Variants in RASSF7 observed in about 807,000 individuals in gnomAD.
RASSF7 encodes ras association domain-containing protein 7.
RASSF7 carries 41 observed loss-of-function variants against 33.8 expected under a neutral mutation model. The ratio of observed to expected loss-of-function variants is 1.21; its 90% CI spans 0.95 to 1.57. The LOEUF (loss-of-function observed/expected upper bound fraction) is 1.57. Ranked by LOEUF, RASSF7 falls within the 40% of genes most tolerant of loss-of-function variation. The pLI is 0.00. For missense variants in RASSF7, 622 were observed against 497.0 expected (o/e 1.25, Z -2.39); for synonymous variants, 298 against 212.8 (o/e 1.40, Z -3.48).
Position 562,587 on chromosome 11 carries a change from CGCTCAGGCCCGTGCCCTGGAG to C in RASSF7, c.637_657del (p.Gln213_Ala219del). On this transcript the variant is annotated inframe_deletion, in exon 3 of 6. Coordinates refer to ENST00000397583, the MANE Select transcript of RASSF7 (RefSeq NM_003475.4). ...ATGCCGCCCGGCTGCAGGCCCTGGA[CGCTCAGGCCCGTGCCCTGGAG>C]GCTGAGCTGCAGCTGGCAGCGGAGG... 1 of 1,543,290 alleles carries C rather than the reference CGCTCAGGCCCGTGCCCTGGAG, an allele frequency of 6.5e-7. No individual in the cohort carries two copies. The highest frequency in any genetic ancestry group is 2.0e-5 in the Admixed American group (1 of 50,934).
In RASSF7 at chr11:561,497, C is replaced by A; in HGVS notation, c.-8+20C>A. On this transcript the variant is annotated intron_variant, in intron 1 of 5. Transcript: ENST00000397583. ...AGCCAGGTGAGGCGAGTAGGAAATG[C>A]TGGATCTGGTTAATGATTCGCCTTG... 1 of 1,348,892 alleles carries A rather than the reference C, an allele frequency of 7.4e-7. No individual in the cohort carries two copies. The highest frequency in any genetic ancestry group is 9.6e-7 in the Non-Finnish European group (1 of 1,045,822). The allele number at this position is 1,348,892 out of a possible 1,614,324, so 83.6% of individuals were successfully genotyped here. A position where few individuals can be genotyped will look rare whatever the true frequency, so the allele number is the denominator to read the frequency against.
At chr11:562,809 C>G (rs772033268) in intron 3 of RASSF7, 33 bp downstream of exon 3, 1 of 1,426,850 alleles carries the variant, frequency 7.0e-7, no homozygotes, top group Non-Finnish European at 9.2e-7. Context: ...CTGTCACTCC[C>G]CCACCCCTGA....
rs201821227 is a variant in RASSF7 at position 563,502 on chromosome 11, C to T, written c.1034+24C>T. On this transcript the variant is annotated intron_variant, in intron 5 of 5. Coordinates refer to ENST00000397583, the MANE Select transcript of RASSF7 (RefSeq NM_003475.4). ...GGGTATGTCTGTGCCCCACCTCCCC[C>T]TGGGGCACCGGGCCCTCCTGTGGCT... The T allele has an allele frequency of 2.7e-3, 4,367 of 1,609,496 alleles. 6 individuals are homozygous for T. The highest frequency in any genetic ancestry group is 3.2e-3 in the Non-Finnish European group (3,730 of 1,178,804).
At position 562,260 on chromosome 11, in the gene RASSF7, C is replaced by T. The variant is rs1853362709; in HGVS notation, c.306C>T (p.Pro102=). ...AGRPSSDSCP[P]PERCLIRASL... ...GGCCCTCCTCAGACAGCTGTCCACC[C>T]CCGGAACGCTGCCTAATTCGTGCCA... The change falls in exon 3 of 6, where the codon CCC becomes CCT. Residue 102 remains proline, a synonymous_variant. Transcript: ENST00000397583. 6.2e-7 allele frequency: 1 copy of T among 1,613,022 alleles called. No individual in the cohort carries two copies. The highest frequency in any genetic ancestry group is 8.5e-7 in the Non-Finnish European group (1 of 1,179,986).
Position 563,711 on chromosome 11 carries a change from G to C in RASSF7, c.*66G>C. ...AGAAGGAGAGTTGGCGGTCACAGAG[G>C]GCTCCTCTGCCAGGCAGTGGGAAGC... On this transcript the variant is annotated 3_prime_UTR_variant, in exon 6 of 6. Coordinates refer to ENST00000397583, the MANE Select transcript of RASSF7 (RefSeq NM_003475.4). 1 of 1,431,242 alleles carries C rather than the reference G, an allele frequency of 7.0e-7. No homozygotes were observed. Among genetic ancestry groups the C allele is most frequent in the Non-Finnish European group, 9.5e-7 (1 of 1,052,698 alleles). 88.7% of individuals were successfully genotyped at this position (1,431,242 alleles called of 1,614,324 possible).
Position 561,748 on chromosome 11 carries a change from C to T in RASSF7, c.-7-14C>T. ...TAGGCAGGTCCTGACCCGGTGCCTG[C>T]GCCCTCCCCACAGGACAGGCATGTT... On this transcript the variant is annotated splice_polypyrimidine_tract_variant and intron_variant, in intron 1 of 5. Coordinates refer to ENST00000397583, the MANE Select transcript of RASSF7 (RefSeq NM_003475.4). The T allele has an allele frequency of 6.2e-7, 1 of 1,612,996 alleles. No homozygotes were observed. Among genetic ancestry groups the T allele is most frequent in the East Asian group, 2.2e-5 (1 of 44,870 alleles).
In RASSF7 at chr11:561,090, G is replaced by A; in HGVS notation, c.-395G>A. The stretch of plus-strand genomic sequence containing the variant: ...GCGCGGGGCGCGCCTCGAGCCGGCC[G>A]GACGCCGACTCCAACTGGGGAGAGT... On this transcript the variant is annotated 5_prime_UTR_variant, in exon 1 of 6. Coordinates refer to ENST00000397583, the MANE Select transcript of RASSF7 (RefSeq NM_003475.4). 1.0e-6 allele frequency: 1 copy of A among 986,784 alleles called. No homozygotes were observed. The highest frequency in any genetic ancestry group is 4.7e-5 in the South Asian group (1 of 21,314). The allele number at this position is 986,784 out of a possible 1,614,324, so 61.1% of individuals were successfully genotyped here. A position where few individuals can be genotyped will look rare whatever the true frequency, so the allele number is the denominator to read the frequency against.
intron 1 of RASSF7, 66 bp downstream of exon 1, chr11:561,543 C>G (rs1220256343): frequency 7.1e-7 from 1 of 1,407,678 alleles, no homozygotes; most frequent in Non-Finnish European, 9.3e-7. Context: ...GCGAGCGTGG[C>G]AAGAGGAAGC....
chr11:563,136 A>C, intron 3 of RASSF7, 53 bp from the exon 4 acceptor site: 1 of 1,492,834 alleles, frequency 6.7e-7, no homozygotes, highest in Non-Finnish European at 9.0e-7. Context: ...TCCGGAGCAC[A>C]AGGGCTGTGG....
chr11:563,151 C>T (rs779702650), intron 3 of RASSF7, 38 bp from the exon 4 acceptor site: 4 of 1,526,066 alleles, frequency 2.6e-6, no homozygotes, highest in South Asian at 2.5e-5. Flanking sequence ...CTGTGGAGCC[C>T]AGTGGCTGTG....
chr11:561,121 G>A lies in RASSF7; in HGVS notation c.-364G>A, dbSNP rs1406689850. 1 of 985,060 alleles carries A rather than the reference G, an allele frequency of 1.0e-6. No homozygotes were observed. Among genetic ancestry groups the A allele is most frequent in the Non-Finnish European group, 1.2e-6 (1 of 829,998 alleles). The allele number at this position is 985,060 out of a possible 1,614,324, so 61.0% of individuals were successfully genotyped here. A position where few individuals can be genotyped will look rare whatever the true frequency, so the allele number is the denominator to read the frequency against. ...CGACTCCAACTGGGGAGAGTTTTCCGCGATGCCCGGACGGAGAGCGGGGGC... is the reference window on the plus strand; with the variant it reads ...CGACTCCAACTGGGGAGAGTTTTCCACGATGCCCGGACGGAGAGCGGGGGC... On this transcript the variant is annotated 5_prime_UTR_variant, in exon 1 of 6. Transcript: ENST00000397583.
Position 563,266 on chromosome 11 carries a change from G to A in RASSF7, c.900G>A (p.Gly300=), listed in dbSNP as rs1467587079. 2 of 1,611,554 alleles carry A rather than the reference G, an allele frequency of 1.2e-6. No homozygotes were observed. The highest frequency in any genetic ancestry group is 1.7e-6 in the Non-Finnish European group (2 of 1,179,366). ...TGCAGCAGTTCATCCAGCAGACCGGGGCTGCGCTGCCACCGCCCCCACGGC... is the reference window on the plus strand; with the variant it reads ...TGCAGCAGTTCATCCAGCAGACCGGAGCTGCGCTGCCACCGCCCCCACGGC... The part of the protein sequence containing the change: ...CNLQQFIQQT[G]AALPPPPRPD... The change falls in exon 4 of 6, where the codon GGG becomes GGA. Residue 300 remains glycine (G), a synonymous_variant. Transcript: ENST00000397583.
chr11:563,296 C>G lies in RASSF7; in HGVS notation c.930C>G (p.Asp310Glu), dbSNP rs752430298. 10 of 1,610,192 alleles carry G rather than the reference C, an allele frequency of 6.2e-6. No homozygotes were observed. Among genetic ancestry groups the G allele is most frequent in the Non-Finnish European group, 8.5e-6 (10 of 1,178,770 alleles). ...CGCTGCCACCGCCCCCACGGCCTGA[C>G]AGGGGCCCTCCTGGCACTCAGGTCG... Reference protein sequence around the residue: ...GAALPPPPRPDRGPPGTQGPL... With the variant: ...GAALPPPPRPERGPPGTQGPL... Residue 310 changes from aspartate (D) to glutamate (E), a missense_variant, in exon 4 of 6, where the codon GAC (aspartate) becomes GAG (glutamate). By Grantham distance (45) the Asp-to-Glu change is conservative. Coordinates refer to ENST00000397583, the MANE Select transcript of RASSF7 (RefSeq NM_003475.4).
At position 563,723 on chromosome 11, in the gene RASSF7, A is replaced by T; in HGVS notation, c.*78A>T. On this transcript the variant is annotated 3_prime_UTR_variant, in exon 6 of 6. Transcript: ENST00000397583. Reference sequence around the variant, plus strand: ...GGCGGTCACAGAGGGCTCCTCTGCCAGGCAGTGGGAAGCCCTGGGTTTGGC... The same window carrying T: ...GGCGGTCACAGAGGGCTCCTCTGCCTGGCAGTGGGAAGCCCTGGGTTTGGC... The T allele has an allele frequency of 7.4e-7, 1 of 1,346,960 alleles. No individual in the cohort carries two copies. Among genetic ancestry groups the T allele is most frequent in the Non-Finnish European group, 1.0e-6 (1 of 983,742 alleles). 83.4% of individuals were successfully genotyped at this position (1,346,960 alleles called of 1,614,324 possible).
chr11:563,984 C>T lies in RASSF7; in HGVS notation c.*339C>T, dbSNP rs781537989. ...GAGCATGTGTGTGCCACTTCCCCTA[C>T]CCCAACGTGAAAACCTCAATAAACT... On this transcript the variant is annotated 3_prime_UTR_variant, in exon 6 of 6. Transcript: ENST00000397583. 2.1e-4 allele frequency: 83 copies of T among 390,966 alleles called. No individual in the cohort carries two copies. Among genetic ancestry groups the T allele is most frequent in the Non-Finnish European group, 3.3e-4 (71 of 216,636 alleles). 24.2% of individuals were successfully genotyped at this position (390,966 alleles called of 1,614,324 possible). A position where few individuals can be genotyped will look rare whatever the true frequency, so the allele number is the denominator to read the frequency against.
Position 562,733 on chromosome 11 carries a change from C to T in RASSF7, c.779C>T (p.Ala260Val). The change falls in exon 3 of 6, where the codon GCT becomes GTT. Residue 260 changes from alanine (A) to valine (V), a missense_variant. By Grantham distance (64) the Ala-to-Val change is moderately conservative. Coordinates refer to ENST00000397583, the MANE Select transcript of RASSF7 (RefSeq NM_003475.4). The part of the protein sequence containing the change: ...RQSAEVQGSL[A>V]LVSRALEAAE... ...AGTGCGGAGGTGCAGGGCAGCCTGG[C>T]TCTGGTGAGCCGGGCCCTGGAGGCA... is the stretch of plus-strand genomic sequence containing the variant. 6.5e-7 allele frequency: 1 copy of T among 1,533,024 alleles called. No individual in the cohort carries two copies. The highest frequency in any genetic ancestry group is 8.7e-7 in the Non-Finnish European group (1 of 1,143,214). 95.0% of individuals were successfully genotyped at this position (1,533,024 alleles called of 1,614,324 possible). A position where few individuals can be genotyped will look rare whatever the true frequency, so the allele number is the denominator to read the frequency against.
chr11:562,023 G>A (rs940957484), intron 2 of RASSF7, 56 bp from the exon 3 acceptor site: 31 of 1,513,540 alleles, frequency 2.0e-5, no homozygotes, highest in Non-Finnish European at 2.6e-5. Flanking sequence ...AACTCTTCAA[G>A]CCAGGTGGAC....
At position 561,407 on chromosome 11, in the gene RASSF7, C is replaced by A. The variant is rs895609380; in HGVS notation, c.-78C>A. On this transcript the variant is annotated 5_prime_UTR_variant, in exon 1 of 6. Transcript: ENST00000397583. ...AGGTCGGGGTGGGGCGTTCCCATGC[C>A]GGCGGCCGCGGGGCCTGGCGTGCGG... The A allele has an allele frequency of 8.9e-7, 1 of 1,126,076 alleles. No individual in the cohort carries two copies. Among genetic ancestry groups the A allele is most frequent in the East Asian group, 6.2e-5 (1 of 16,050 alleles). 69.8% of individuals were successfully genotyped at this position (1,126,076 alleles called of 1,614,324 possible).
intron 1 of RASSF7, 44 bp downstream of exon 1, chr11:561,521 T>C (rs921758635): frequency 7.1e-7 from 1 of 1,406,138 alleles, no homozygotes. Flanking sequence ...TGATTCGCCT[T>C]GTTCCGGGAG....
Sources: gnomAD v4.1 joint callset for allele counts on GRCh38, gnomAD v4.1.1 for gene constraint, MANE v1.5 for transcripts, NCBI Gene and HGNC (gene_info 2026-07-23, HGNC 2026-07-21) for gene names.